KMT2A: variants seen among roughly 807,000 people sequenced by gnomAD.
KMT2A encodes histone-lysine N-methyltransferase 2A.
A neutral mutation model predicts 345.3 loss-of-function variants in KMT2A; 16 were observed. That is an observed-to-expected ratio of 0.05 (90% CI 0.03 to 0.07). KMT2A has a LOEUF of 0.07. Among genes scored for constraint, KMT2A ranks in the 10% least tolerant of loss-of-function variants. The pLI is 1.00. For missense variants in KMT2A, 3,272 were observed against 4,841.6 expected (o/e 0.68, Z 9.62); for synonymous variants, 1,599 against 1,778.6 (o/e 0.90, Z 2.54).
In KMT2A at chr11:118,510,947, G is replaced by T. The variant is rs1481290085; in HGVS notation, c.11071+829G>T. Among the ~76,000 whole-genome samples the T allele has an allele frequency of 6.6e-6, 1 of 152,198 alleles. No individual in the cohort carries two copies. The highest frequency in any genetic ancestry group is 2.4e-5 in the African/African-American group (1 of 41,450). ...GGAGGTAAGCAAAGTTAGAAAGGCAGGACTGCATTTGGTGGGTTTAGAGTA... is the reference window on the plus strand; with the variant it reads ...GGAGGTAAGCAAAGTTAGAAAGGCATGACTGCATTTGGTGGGTTTAGAGTA... On this transcript the variant is annotated intron_variant, in intron 30 of 35. Transcript: ENST00000534358. This position sits in a 1 kb window ranked among gnomAD's most constrained non-coding sequence, Gnocchi z 4.1.
Position 118,436,690 on chromosome 11 carries a change from G to T in KMT2A, c.178G>T (p.Val60Leu). 1 of 1,301,918 alleles carries T rather than the reference G, an allele frequency of 7.7e-7. No individual in the cohort carries two copies. Among genetic ancestry groups the T allele is most frequent in the Non-Finnish European group, 9.8e-7 (1 of 1,021,900 alleles). 80.6% of individuals were successfully genotyped at this position (1,301,918 alleles called of 1,614,324 possible). A position where few individuals can be genotyped will look rare whatever the true frequency, so the allele number is the denominator to read the frequency against. Residue 60 changes from valine (V) to leucine (L), a missense_variant, in exon 1 of 36, where the codon GTG becomes TTG. Physicochemically the swap from Val to Leu is conservative, Grantham distance 32 (BLOSUM62 1). Around this residue, in one of 27 missense-constraint regions of KMT2A, gnomAD observed 412 missense variants for 511.0 expected, o/e 0.81. Transcript: ENST00000534358. This position sits in a 1 kb window ranked among gnomAD's most constrained non-coding sequence, Gnocchi z 6.9. ...CGGGGCGCCCCCCTCCCCCCCGGCT[G>T]TGGCGGCCGCGGCGGCGGCGGCGGG... ...GPGAPPSPPA[V>L]AAAAAAAGSS...
At chr11:118,489,420 C>T (rs1950289514) in intron 11 of KMT2A, among the ~76,000 whole-genome samples, 1 of 152,038 alleles carries the variant, frequency 6.6e-6, no homozygotes, top group African/African-American at 2.4e-5. Context: ...ATTTGTATTT[C>T]TGTCTTCCAG....
intron 1 of KMT2A, among the ~76,000 whole-genome samples, chr11:118,440,730 T>C (rs1949294332): frequency 6.6e-6 from 1 of 151,924 alleles, no homozygotes; most frequent in African/African-American, 2.4e-5. Context: ...GGCTTTTGGA[T>C]TGGACTTGAA....
In KMT2A at chr11:118,476,643, A is replaced by G. The variant is rs1298568899; in HGVS notation, c.3157-162A>G. Reference sequence around the variant, plus strand: ...TTGTGCTGCCAATTAGGATACAGTAATAGTTGATTTCTGTTTTGATATGAT... The same window carrying G: ...TTGTGCTGCCAATTAGGATACAGTAGTAGTTGATTTCTGTTTTGATATGAT... On this transcript the variant is annotated intron_variant, in intron 3 of 35. Transcript: ENST00000534358. The surrounding 1 kb of genome is among the most constrained non-coding windows in gnomAD (Gnocchi z 4.1). 1.3e-5 allele frequency among the ~76,000 whole-genome samples: 2 copies of G among 152,180 alleles called. No homozygotes were observed. The highest frequency in any genetic ancestry group is 2.4e-5 in the African/African-American group (1 of 41,440).
In KMT2A at chr11:118,504,345, C is replaced by G. The variant is rs781858437; in HGVS notation, c.8453C>G (p.Pro2818Arg). The change falls in exon 27 of 36, where the codon CCC becomes CGC. Residue 2818 changes from proline to arginine, a missense_variant. Coordinates refer to ENST00000534358, the MANE Select transcript of KMT2A (RefSeq NM_001197104.2). The surrounding 1 kb of genome is among the most constrained non-coding windows in gnomAD (Gnocchi z 6.4). ...AGCCGCAGAGTCCACACAAGTACCC[C>G]CTCCGACAAAAATTTACTGGACACC... ...ESSRRVHTST[P>R]SDKNLLDTYN... The G allele has an allele frequency of 1.2e-6, 2 of 1,613,994 alleles. No individual in the cohort carries two copies. The highest frequency in any genetic ancestry group is 1.3e-5 in the African/African-American group (1 of 74,890).
chr11:118,438,813 T>G (rs1003740353), intron 1 of KMT2A, among the ~76,000 whole-genome samples: 4 of 152,106 alleles, frequency 2.6e-5, no homozygotes, highest in Admixed American at 1.3e-4. Context: ...ACAACCCGCC[T>G]TCTGACAGAG....
In KMT2A at chr11:118,501,666, C is replaced by T; in HGVS notation, c.6320-6C>T. 1 of 1,597,226 alleles carries T rather than the reference C, an allele frequency of 6.3e-7. No homozygotes were observed. Among genetic ancestry groups the T allele is most frequent in the Non-Finnish European group, 8.5e-7 (1 of 1,173,938 alleles). On this transcript the variant is annotated splice_polypyrimidine_tract_variant and splice_region_variant and intron_variant, in intron 25 of 35. Coordinates refer to ENST00000534358, the MANE Select transcript of KMT2A (RefSeq NM_001197104.2). Reference sequence around the variant, plus strand: ...TTTAGTTAAGAGTTTTTATTTCCTGCCACAGAAAGTTCATCAAAAGAGAGT... The same window carrying T: ...TTTAGTTAAGAGTTTTTATTTCCTGTCACAGAAAGTTCATCAAAAGAGAGT...
chr11:118,518,136 T>C (rs1480741266), intron 31 of KMT2A, among the ~76,000 whole-genome samples: 2 of 152,202 alleles, frequency 1.3e-5, no homozygotes, highest in Non-Finnish European at 2.9e-5. Context: ...TGTTTCTATA[T>C]CTATTAATAA....
intron 30 of KMT2A, among the ~76,000 whole-genome samples, chr11:118,511,564 C>G (rs1318815664): frequency 6.6e-6 from 1 of 152,208 alleles, no homozygotes; most frequent in Non-Finnish European, 1.5e-5. Flanking sequence ...GATCTTCCCA[C>G]AGTCCTGCTT....
rs781877164 is a variant in KMT2A, at chr11:118,510,058, G to A, written c.11011G>A (p.Gly3671Arg). 1 of 1,613,806 alleles carries A rather than the reference G, an allele frequency of 6.2e-7. No homozygotes were observed. Among genetic ancestry groups the A allele is most frequent in the Non-Finnish European group, 8.5e-7 (1 of 1,179,812 alleles). The part of the protein sequence containing the change: ...ESITEKKPKK[G>R]LVFEISSDDG... Reference sequence around the variant, plus strand: ...CATTACTGAGAAAAAACCCAAGAAAGGACTTGTTTTTGAAATTTCCAGTGA... The same window carrying A: ...CATTACTGAGAAAAAACCCAAGAAAAGACTTGTTTTTGAAATTTCCAGTGA... The change falls in exon 30 of 36, where the codon GGA (glycine) becomes AGA (arginine). Residue 3671 changes from glycine (G) to arginine (R), a missense_variant. Physicochemically the swap from Gly to Arg is moderately radical, Grantham distance 125. Around this residue, in one of 27 missense-constraint regions of KMT2A, gnomAD observed 748 missense variants for 922.2 expected, o/e 0.81. Coordinates refer to ENST00000534358, the MANE Select transcript of KMT2A (RefSeq NM_001197104.2). The surrounding 1 kb of genome is among the most constrained non-coding windows in gnomAD (Gnocchi z 4.1).
rs139922222 is a variant in KMT2A, at chr11:118,469,659, G to A, written c.502+815G>A. On this transcript the variant is annotated intron_variant, in intron 2 of 35. Coordinates refer to ENST00000534358, the MANE Select transcript of KMT2A (RefSeq NM_001197104.2). ...TTTGATGAAAATGCATTCCCCATCT[G>A]TGCTGCCATTCTGACTTCATATATG... Among the ~76,000 whole-genome samples the A allele has an allele frequency of 1.9e-3, 285 of 152,296 alleles. 1 individual carries two copies. Among genetic ancestry groups the A allele is most frequent in the African/African-American group, 5.4e-3 (225 of 41,548 alleles).
rs1391002987 is a variant in KMT2A at position 118,437,033 on chromosome 11, A to G, written c.432+89A>G. Reference sequence around the variant, plus strand: ...CCATCCGGGATTGAGGAGCATCCCAATTCTGGGACCATCTCGGGGTCCCTG... The same window carrying G: ...CCATCCGGGATTGAGGAGCATCCCAGTTCTGGGACCATCTCGGGGTCCCTG... On this transcript the variant is annotated intron_variant, in intron 1 of 35. Transcript: ENST00000534358. 5 of 1,315,502 alleles carry G rather than the reference A, an allele frequency of 3.8e-6. No individual in the cohort carries two copies. The East Asian group carries it at 1.2e-4, about 32-fold the overall frequency. 81.5% of individuals were successfully genotyped at this position (1,315,502 alleles called of 1,614,324 possible). A position where few individuals can be genotyped will look rare whatever the true frequency, so the allele number is the denominator to read the frequency against.
In KMT2A at chr11:118,522,066, A is replaced by G. The variant is rs1003057490; in HGVS notation, c.11813A>G (p.Tyr3938Cys). Residue 3938 changes from tyrosine (Y) to cysteine (C), a missense_variant, in exon 36 of 36, where the codon TAC (tyrosine) becomes TGC (cysteine). Physicochemically the swap from Tyr to Cys is radical, Grantham distance 194 (BLOSUM62 -2). Around this residue, in one of 27 missense-constraint regions of KMT2A, gnomAD observed 78 missense variants for 254.5 expected, o/e 0.31. Transcript: ENST00000534358. The surrounding 1 kb of genome is among the most constrained non-coding windows in gnomAD (Gnocchi z 5.4). ...HIVIFAMRKI[Y>C]RGEELTYDYK... is the part of the protein sequence containing the mutation. ...GTCATCTTTGCCATGCGTAAGATCT[A>G]CCGAGGAGAGGAACTCACTTACGAC... The G allele has an allele frequency of 6.2e-7, 1 of 1,614,088 alleles. No homozygotes were observed. The highest frequency in any genetic ancestry group is 1.1e-5 in the South Asian group (1 of 91,082).
chr11:118,499,169 G>T, intron 22 of KMT2A, 134 bp from the exon 23 acceptor site: 1 of 660,816 alleles, frequency 1.5e-6, no homozygotes, highest in South Asian at 1.9e-5. Flanking sequence ...GGGAAATACA[G>T]AAGTGTCCTG....
chr11:118,446,814 G>A (rs1268217573), intron 1 of KMT2A, among the ~76,000 whole-genome samples: 1 of 152,006 alleles, frequency 6.6e-6, no homozygotes, highest in Non-Finnish European at 1.5e-5. Context: ...AAATTCTTTG[G>A]CTTCTCACTG....
rs771532622 is a variant in KMT2A at position 118,493,119 on chromosome 11, C to T, written c.5067C>T (p.Pro1689=). ...TEESIPSRSS[P]EGPDPPVLTE... is the part of the protein sequence containing the mutation. ...AGAGTATACCTTCCCGCAGCTCCCCCGAAGGACCTGATCCACCAGTTCTTA... is the reference window on the plus strand; with the variant it reads ...AGAGTATACCTTCCCGCAGCTCCCCTGAAGGACCTGATCCACCAGTTCTTA... The change falls in exon 16 of 36, where the codon CCC becomes CCT. Residue 1689 remains proline (P), a synonymous_variant. Coordinates refer to ENST00000534358, the MANE Select transcript of KMT2A (RefSeq NM_001197104.2). This position sits in a 1 kb window ranked among gnomAD's most constrained non-coding sequence, Gnocchi z 5.8. The T allele has an allele frequency of 3.7e-6, 6 of 1,614,012 alleles. No individual in the cohort carries two copies. Among genetic ancestry groups the T allele is most frequent in the East Asian group, 2.2e-5 (1 of 44,874 alleles).
intron 1 of KMT2A, chr11:118,438,881 T>C (rs1555139444): frequency 2.9e-5 from 10 of 344,408 alleles, no homozygotes; most frequent in Non-Finnish European, 4.1e-5. Context: ...AGCGTCCCCT[T>C]TCCCTGCCTC....
At position 118,490,335 on chromosome 11, in the gene KMT2A, A is replaced by G; in HGVS notation, c.4696+86A>G. On this transcript the variant is annotated intron_variant, in intron 13 of 35. Coordinates refer to ENST00000534358, the MANE Select transcript of KMT2A (RefSeq NM_001197104.2). This position sits in a 1 kb window ranked among gnomAD's most constrained non-coding sequence, Gnocchi z 4.2. ...ACTAGACTCTAGTGAAATGAAATAA[A>G]AAGTCTCACACATTATGTCAAGGAT... The G allele has an allele frequency of 7.4e-7, 1 of 1,354,400 alleles. No homozygotes were observed. The highest frequency in any genetic ancestry group is 9.8e-7 in the Non-Finnish European group (1 of 1,017,662). The allele number at this position is 1,354,400 out of a possible 1,614,324, so 83.9% of individuals were successfully genotyped here.
chr11:118,492,061 T>C, intron 15 of KMT2A, 133 bp downstream of exon 15: 1 of 649,042 alleles, frequency 1.5e-6, no homozygotes, highest in East Asian at 2.7e-5. Flanking sequence ...TAGGAAAATA[T>C]TTAGAGCCAA....
Sources: allele counts gnomAD v4.1 joint callset (sites outside exome capture counted in the v4.1 genomes callset), GRCh38; gene constraint gnomAD v4.1.1; regional missense constraint gnomAD v4.1.1; non-coding constraint Gnocchi (gnomAD v3.1); transcripts MANE v1.5; gene names NCBI Gene and HGNC (gene_info 2026-07-23, HGNC 2026-07-21).